Variants in CNTNAP5 observed in about 807,000 individuals in gnomAD.
CNTNAP5 encodes contactin associated protein family member 5, also known as contactin-associated protein-like 5.
In CNTNAP5, 72 loss-of-function variants were observed where a neutral mutation model predicts 150.2. The observed-to-expected ratio is 0.48, with a 90% CI of 0.40 to 0.58. The LOEUF (loss-of-function observed/expected upper bound fraction) is 0.58, where lower values mean the gene tolerates loss of function less well. CNTNAP5 is among the 20% of genes least tolerant of loss of function. The pLI is 0.00. For synonymous variants in CNTNAP5, 672 were observed against 619.8 expected, an observed-to-expected ratio of 1.08 and a Z score of -1.25; for missense variants, 1,636 against 1,626.2, an observed-to-expected ratio of 1.01 and a Z score of -0.10.
At chr2:124,358,411 G>T (rs1380869530) in intron 3 of CNTNAP5, among the ~76,000 whole-genome samples, 1 of 152,130 alleles carries the variant, frequency 6.6e-6, no homozygotes, top group Admixed American at 6.5e-5. Context: ...TCCAGTTTTT[G>T]CCCATTCAGT....
intron 10 of CNTNAP5, among the ~76,000 whole-genome samples, chr2:124,532,735 T>C (rs1441361849): frequency 1.3e-5 from 2 of 152,204 alleles, no homozygotes; most frequent in African/African-American, 2.4e-5. Flanking sequence ...CTTTTGTCCA[T>C]GTTTTCCCTT....
At chr2:124,754,749 G>T (rs540793653) in intron 14 of CNTNAP5, among the ~76,000 whole-genome samples, 1 of 152,080 alleles carries the variant, frequency 6.6e-6, no homozygotes, top group Middle Eastern at 3.4e-3. Flanking sequence ...GTGCAGTGGT[G>T]TGATCTTGGC....
intron 11 of CNTNAP5, among the ~76,000 whole-genome samples, chr2:124,575,542 C>T (rs1414951350): frequency 6.6e-6 from 1 of 152,090 alleles, no homozygotes; most frequent in Non-Finnish European, 1.5e-5. Flanking sequence ...CTTATCTTTC[C>T]AGTATTTTGG....
At chr2:124,250,194 ACATGT>A (rs1558819493) in intron 3 of CNTNAP5, among the ~76,000 whole-genome samples, 3 of 152,176 alleles carry the variant, frequency 2.0e-5, no homozygotes, top group African/African-American at 7.2e-5. Flanking sequence ...GTCCCACAGA[ACATGT>A]CAAGGCAAGG....
At chr2:124,658,412 C>T (rs1423104434) in intron 13 of CNTNAP5, among the ~76,000 whole-genome samples, 1 of 150,890 alleles carries the variant, frequency 6.6e-6, no homozygotes, top group African/African-American at 2.4e-5. Context: ...ATTCACCACA[C>T]AAAGTTAGTT....
intron 1 of CNTNAP5, among the ~76,000 whole-genome samples, chr2:124,082,205 C>T (rs888218117): frequency 6.6e-5 from 10 of 151,896 alleles, no homozygotes; most frequent in African/African-American, 2.4e-4. Flanking sequence ...AAAAATTAGC[C>T]AGGCGTGGTG....
At chr2:124,263,299 C>T (rs1687510735) in intron 3 of CNTNAP5, among the ~76,000 whole-genome samples, 1 of 152,180 alleles carries the variant, frequency 6.6e-6, no homozygotes, top group Admixed American at 6.5e-5. Context: ...TCCACATCCT[C>T]TCCAGCACCT....
At chr2:124,276,533 T>G (rs1558830740) in intron 3 of CNTNAP5, among the ~76,000 whole-genome samples, 1 of 152,156 alleles carries the variant, frequency 6.6e-6, no homozygotes, top group African/African-American at 2.4e-5. Context: ...TGTACATGTT[T>G]GGATGATGAG....
At chr2:124,563,606 G>A (rs1695944327) in intron 11 of CNTNAP5, among the ~76,000 whole-genome samples, 2 of 152,206 alleles carry the variant, frequency 1.3e-5, no homozygotes, top group Non-Finnish European at 2.9e-5. Context: ...GGAAGGTGCT[G>A]TAGGCACACA....
At chr2:124,862,221 G>T (rs1028464399) in intron 19 of CNTNAP5, among the ~76,000 whole-genome samples, 9 of 152,194 alleles carry the variant, frequency 5.9e-5, no homozygotes, top group Admixed American at 5.2e-4. Flanking sequence ...AACAAAAAAT[G>T]ATGTGTGTCC....
chr2:124,104,301 G>A (rs1683126498), intron 1 of CNTNAP5, among the ~76,000 whole-genome samples: 1 of 151,894 alleles, frequency 6.6e-6, no homozygotes, highest in South Asian at 2.1e-4. Flanking sequence ...TTATTTTGAG[G>A]CAAATTATTG....
At position 124,140,450 on chromosome 2, in the gene CNTNAP5, G is replaced by A. The variant is rs1684092494; in HGVS notation, c.83-81255G>A. On this transcript the variant is annotated intron_variant, in intron 1 of 23. Transcript: ENST00000682447. ...CACGCAGCTGGAGATCTGAGAACGG[G>A]CAGACTGCCTCCTCAAGTGGGTCCC... Among the ~76,000 whole-genome samples the A allele has an allele frequency of 2.6e-5, 3 of 115,080 alleles. No individual in the cohort carries two copies. In the South Asian group the frequency reaches 1.1e-3, roughly 41 times the overall value. 75.5% of individuals were successfully genotyped at this position (115,080 alleles called of 152,430 possible).
intron 5 of CNTNAP5, among the ~76,000 whole-genome samples, chr2:124,445,393 C>T (rs879695334): frequency 3.3e-5 from 5 of 152,098 alleles, no homozygotes; most frequent in South Asian, 4.1e-4. Context: ...CCACTGTACC[C>T]GGCTCATAAT....
chr2:124,315,372 A>G (rs1688937644), intron 3 of CNTNAP5, among the ~76,000 whole-genome samples: 1 of 152,128 alleles, frequency 6.6e-6, no homozygotes, highest in Non-Finnish European at 1.5e-5. Flanking sequence ...TTTGAAGGCT[A>G]AAAGGGAGCT....
chr2:124,677,873 C>A (rs1467014517), intron 13 of CNTNAP5, among the ~76,000 whole-genome samples: 1 of 151,872 alleles, frequency 6.6e-6, no homozygotes, highest in African/African-American at 2.4e-5. Flanking sequence ...AATAATTCAG[C>A]CGAGAGACCA....
At chr2:124,187,627 G>C (rs1685364900) in intron 1 of CNTNAP5, among the ~76,000 whole-genome samples, 1 of 152,144 alleles carries the variant, frequency 6.6e-6, no homozygotes, top group African/African-American at 2.4e-5. Flanking sequence ...ACAAGGTGGT[G>C]AGTTGCCCAA....
At chr2:124,272,890 G>T (rs923687852) in intron 3 of CNTNAP5, among the ~76,000 whole-genome samples, 10 of 152,306 alleles carry the variant, frequency 6.6e-5, no homozygotes, top group African/African-American at 2.4e-4. Flanking sequence ...TTCAATGCAT[G>T]AATCTTCTAA....
chr2:124,198,721 C>T (rs913073763), intron 1 of CNTNAP5, among the ~76,000 whole-genome samples: 29 of 151,510 alleles, frequency 1.9e-4, no homozygotes, highest in African/African-American at 7.0e-4. Flanking sequence ...AGTTTTTTAG[C>T]TTAAAGTCAT....
At chr2:124,385,474 A>T (rs1320508365) in intron 3 of CNTNAP5, among the ~76,000 whole-genome samples, 1 of 152,218 alleles carries the variant, frequency 6.6e-6, no homozygotes, top group East Asian at 1.9e-4. Flanking sequence ...TAAGAATTTA[A>T]GTAGTTTAAT....
Sources: gnomAD v4.1 joint callset for allele counts (sites outside exome capture counted in the v4.1 genomes callset) on GRCh38, gnomAD v4.1.1 for gene constraint, MANE v1.5 for transcripts, NCBI Gene and HGNC (gene_info 2026-07-23, HGNC 2026-07-21) for gene names.